Variants in IGFL4 observed in about 807,000 individuals in gnomAD.
IGFL4 encodes the protein IGF like family member 4.
In IGFL4, 12 loss-of-function variants were observed where a neutral mutation model predicts 15.4. The observed-to-expected ratio is 0.78, with a 90% CI of 0.50 to 1.26. The LOEUF (loss-of-function observed/expected upper bound fraction) is 1.26. Among genes scored for constraint, IGFL4 ranks in the 50% most tolerant of loss-of-function variants. The pLI, the probability that IGFL4 is intolerant of heterozygous loss-of-function variation, is 0.00. For synonymous variants in IGFL4, 54 were observed against 55.9 expected (o/e 0.97, Z 0.16); for missense variants, 126 against 147.8 (o/e 0.85, Z 0.76).
chr19:46,069,590 T>C (rs970239520), intron 1 of IGFL4, among the ~76,000 whole-genome samples: 1 of 152,208 alleles, frequency 6.6e-6, no homozygotes, highest in African/African-American at 2.4e-5. Flanking sequence ...CATCCCCCCC[T>C]TGAAGCCCTA....
At chr19:46,074,343 C>T (rs1314736695) in intron 1 of IGFL4, among the ~76,000 whole-genome samples, 1 of 150,934 alleles carries the variant, frequency 6.6e-6, no homozygotes, top group Non-Finnish European at 1.5e-5. Context: ...ACCTTGTGAT[C>T]GTGTGAGTTA....
At chr19:46,043,245 G>A (rs1318401139), upstream of IGFL4, among the ~76,000 whole-genome samples, 4 of 152,208 alleles carry the variant, frequency 2.6e-5, no homozygotes, top group Admixed American at 6.5e-5. Context: ...AGGAGAACAT[G>A]TAGAGGATAT....
At chr19:46,041,269 C>T (rs184087471), upstream of IGFL4, among the ~76,000 whole-genome samples, 21 of 152,290 alleles carry the variant, frequency 1.4e-4, no homozygotes, top group African/African-American at 4.6e-4. Flanking sequence ...CTTTGAACAC[C>T]GCCCAAGGGA....
intron 1 of IGFL4, among the ~76,000 whole-genome samples, chr19:46,074,724 C>T (rs1327439984): frequency 6.6e-6 from 1 of 152,128 alleles, no homozygotes; most frequent in Admixed American, 6.6e-5. Context: ...TGGTGCCCAC[C>T]CAGATTAACA....
chr19:46,072,105 A>G (rs959055830), intron 1 of IGFL4, among the ~76,000 whole-genome samples: 10 of 152,238 alleles, frequency 6.6e-5, no homozygotes, highest in African/African-American at 2.4e-4. Context: ...TTTTCCTGCT[A>G]TTGACAACAG....
At chr19:46,055,595 GA>G (rs954012214) in intron 2 of IGFL4, among the ~76,000 whole-genome samples, 2 of 151,602 alleles carry the variant, frequency 1.3e-5, no homozygotes, top group African/African-American at 2.4e-5. Flanking sequence ...TACCTATATT[GA>G]AAAAAAACTA....
In IGFL4 at chr19:46,040,375, C is replaced by G. The variant is rs763464493; in HGVS notation, c.112G>C (p.Glu38Gln). ...WLCQPAPRCGEWTYNPLEQCC... is the reference protein window; with the variant it reads ...WLCQPAPRCGQWTYNPLEQCC... The stretch of plus-strand genomic sequence containing the variant: ...TGCTCCAAGGGGTTGTAGGTCCACT[C>G]CCCGCACCTGGGCGCTGGCTGGCAT... Residue 38 changes from glutamate (E) to glutamine (Q), a missense_variant, in exon 3 of 4, where the codon GAG becomes CAG. Coordinates refer to ENST00000377697, the MANE Select transcript of IGFL4 (RefSeq NM_001002923.3). This position sits in a 1 kb window ranked among gnomAD's most constrained non-coding sequence, Gnocchi z 4.1. 5 of 1,614,070 alleles carry G rather than the reference C, an allele frequency of 3.1e-6. No homozygotes were observed. The highest frequency in any genetic ancestry group is 4.2e-6 in the Non-Finnish European group (5 of 1,180,048).
At chr19:46,044,567 G>A (rs1969279881), upstream of IGFL4, among the ~76,000 whole-genome samples, 1 of 152,186 alleles carries the variant, frequency 6.6e-6, no homozygotes, top group Non-Finnish European at 1.5e-5. Context: ...ATTCTAGCCT[G>A]CCAGCTTTGG....
intron 1 of IGFL4, among the ~76,000 whole-genome samples, chr19:46,071,739 G>A (rs1384045479): frequency 6.6e-6 from 1 of 152,220 alleles, no homozygotes; most frequent in African/African-American, 2.4e-5. Context: ...ATGGTAAGGA[G>A]GTTGGGCACG....
chr19:46,066,385 C>A (rs1969494850), intron 1 of IGFL4, among the ~76,000 whole-genome samples: 2 of 152,168 alleles, frequency 1.3e-5, no homozygotes, highest in Admixed American at 6.5e-5. Flanking sequence ...ACTAGGAACA[C>A]CCAACTCCCA....
intron 1 of IGFL4, among the ~76,000 whole-genome samples, chr19:46,076,069 C>G (rs1326771010): frequency 6.6e-6 from 1 of 152,148 alleles, no homozygotes; most frequent in Non-Finnish European, 1.5e-5. Context: ...GAGGGCTGCT[C>G]TCTGCTTCAA....
At chr19:46,065,578 A>T (rs1969487243) in intron 1 of IGFL4, among the ~76,000 whole-genome samples, 1 of 152,228 alleles carries the variant, frequency 6.6e-6, no homozygotes, top group African/African-American at 2.4e-5. Context: ...AAGTGCTAGG[A>T]TTACAGGCCT....
upstream of IGFL4, among the ~76,000 whole-genome samples, chr19:46,044,343 T>C (rs149522735): frequency 6.3e-4 from 96 of 152,260 alleles, no homozygotes; most frequent in African/African-American, 2.0e-3. Flanking sequence ...CATCCCTCCA[T>C]ACATATTTCT....
chr19:46,058,016 C>T (rs1032988837), intron 2 of IGFL4: 2 of 152,164 alleles, frequency 1.3e-5, no homozygotes, highest in Non-Finnish European at 2.9e-5. Flanking sequence ...TCCCAAATTT[C>T]ATGTTCTCAC....
At chr19:46,053,275 C>T (rs1447180163) in intron 2 of IGFL4, among the ~76,000 whole-genome samples, 3 of 152,136 alleles carry the variant, frequency 2.0e-5, no homozygotes, top group Non-Finnish European at 1.5e-5. Flanking sequence ...AGTGCAGTGG[C>T]ATGATCTCAG....
At chr19:46,043,197 C>T (rs1203701889), upstream of IGFL4, among the ~76,000 whole-genome samples, 2 of 151,988 alleles carry the variant, frequency 1.3e-5, no homozygotes, top group East Asian at 3.8e-4. Flanking sequence ...TATAATGCCC[C>T]CCTACTGAAA....
At chr19:46,058,802 A>T (rs2146521469) in intron 2 of IGFL4, 1 of 152,290 alleles carries the variant, frequency 6.6e-6, no homozygotes, top group African/African-American at 2.4e-5. Context: ...GGCCCCTTTT[A>T]TCCATGGCTA....
At chr19:46,067,370 C>T (rs1969504972) in intron 1 of IGFL4, among the ~76,000 whole-genome samples, 1 of 152,186 alleles carries the variant, frequency 6.6e-6, no homozygotes, top group African/African-American at 2.4e-5. Context: ...TCCCTGGATT[C>T]TCATCTTGGC....
chr19:46,076,740 T>C (rs1031815669), intron 1 of IGFL4, among the ~76,000 whole-genome samples: 3 of 149,718 alleles, frequency 2.0e-5, no homozygotes, highest in Admixed American at 6.7e-5. Flanking sequence ...TATCCTGGTG[T>C]TGTCAACTTA....
Sources: gnomAD v4.1 joint callset for allele counts (sites outside exome capture counted in the v4.1 genomes callset) on GRCh38, gnomAD v4.1.1 for gene constraint, Gnocchi (gnomAD v3.1) non-coding constraint, MANE v1.5 for transcripts, NCBI Gene and HGNC (gene_info 2026-07-23, HGNC 2026-07-21) for gene names.